The following KANTR variants were observed in gnomAD, a reference collection of about 807,000 sequenced individuals.
KANTR encodes the protein KDM5C adjacent transcript.
chrX:53,121,355 AAGTT>A (rs1434764368), intron 2 of KANTR, among the ~76,000 whole-genome samples: 1 of 112,151 alleles, frequency 8.9e-6, no homozygotes, highest in Non-Finnish European at 1.9e-5. Context: ...ATTTACAGAA[AAGTT>A]AGTTAAGAGA....
chrX:53,124,514 C>A, exon 3 of KANTR: 1 of 296,251 alleles, frequency 3.4e-6, no homozygotes, highest in South Asian at 2.0e-4. Context: ...TTTAACTGGA[C>A]ATTGAGCTCA....
At chrX:53,144,453 T>A (rs185226795), downstream of KANTR, among the ~76,000 whole-genome samples, 1 of 111,773 alleles carries the variant, frequency 8.9e-6, no homozygotes, top group East Asian at 2.8e-4. Flanking sequence ...CCCAGCACTT[T>A]GGGAGGCTGA....
At chrX:53,146,533 G>A (rs1259308501), downstream of KANTR, among the ~76,000 whole-genome samples, 3 of 111,932 alleles carry the variant, frequency 2.7e-5, no homozygotes, top group South Asian at 3.7e-4. Context: ...TGAAAGTGAC[G>A]GGGAGAATGG....
downstream of KANTR, among the ~76,000 whole-genome samples, chrX:53,130,153 C>G (rs1556816784): frequency 8.9e-6 from 1 of 111,980 alleles, no homozygotes; most frequent in African/African-American, 3.2e-5. Context: ...AGGCGTGAGC[C>G]ACCGCGCCTG....
At chrX:53,143,196 G>T, downstream of KANTR, 1 of 738,038 alleles carries the variant, frequency 1.4e-6, no homozygotes, top group Non-Finnish European at 2.1e-6. Context: ...CTGGCCATCA[G>T]GCAGCTCATA....
intron 2 of KANTR, among the ~76,000 whole-genome samples, chrX:53,117,208 A>AGAC (rs1556814733): frequency 9.1e-6 from 1 of 109,514 alleles, no homozygotes; most frequent in Non-Finnish European, 1.9e-5. Flanking sequence ...CTTGAACCCA[A>AGAC]GAGGAGGTTG....
At chrX:53,125,514 T>G (rs1204253212) in exon 3 of KANTR, 1 of 111,609 alleles carries the variant, frequency 9.0e-6, no homozygotes, top group Non-Finnish European at 1.9e-5. Flanking sequence ...ATTTGTTTTC[T>G]TATTCAATTT....
At chrX:53,117,523 T>C (rs896494568) in intron 2 of KANTR, among the ~76,000 whole-genome samples, 49 of 109,291 alleles carry the variant, frequency 4.5e-4, no homozygotes, top group African/African-American at 1.5e-3. Context: ...TTCATATTTG[T>C]GGGGATGCTT....
intron 1 of KANTR, among the ~76,000 whole-genome samples, chrX:53,098,794 C>T (rs781953777): frequency 4.5e-5 from 5 of 110,443 alleles, no homozygotes; most frequent in Admixed American, 1.9e-4. Context: ...GGCGCGATCA[C>T]GGCTCACTGC....
At chrX:53,116,045 C>G (rs1206504609) in intron 2 of KANTR, among the ~76,000 whole-genome samples, 4 of 111,952 alleles carry the variant, frequency 3.6e-5, no homozygotes, top group Admixed American at 2.9e-4. Context: ...TGTTCAGTGA[C>G]TTTTCTGAAC....
chrX:53,121,060 G>A (rs782110882), intron 2 of KANTR, among the ~76,000 whole-genome samples: 2 of 110,031 alleles, frequency 1.8e-5, no homozygotes, highest in African/African-American at 3.3e-5. Flanking sequence ...GTGCAGTGGC[G>A]CCATCTCGGC....
chrX:53,104,473 C>T (rs1312348768), intron 2 of KANTR, among the ~76,000 whole-genome samples: 1 of 110,218 alleles, frequency 9.1e-6, no homozygotes, highest in African/African-American at 3.3e-5. Flanking sequence ...GTGATCCACC[C>T]GCCTCGGCCT....
At chrX:53,143,736 C>G, downstream of KANTR, 1 of 613,672 alleles carries the variant, frequency 1.6e-6, no homozygotes. Flanking sequence ...CGTGCTTGCT[C>G]TGGGCCTCAT....
At chrX:53,120,726 A>G (rs1436363514) in intron 2 of KANTR, among the ~76,000 whole-genome samples, 1 of 109,720 alleles carries the variant, frequency 9.1e-6, no homozygotes. Context: ...TTTATTTATT[A>G]TTTATTTATT....
At chrX:53,096,547 C>A (rs910305872) in intron 1 of KANTR, among the ~76,000 whole-genome samples, 1 of 112,298 alleles carries the variant, frequency 8.9e-6, no homozygotes, top group Non-Finnish European at 1.9e-5. Flanking sequence ...CAAACAGGGC[C>A]GGGTGTGATG....
At chrX:53,098,961 G>A (rs782129437) in intron 1 of KANTR, among the ~76,000 whole-genome samples, 1 of 111,223 alleles carries the variant, frequency 9.0e-6, no homozygotes, top group South Asian at 3.8e-4. Flanking sequence ...CTGGCCTCAA[G>A]TAATCCTCCT....
intron 2 of KANTR, among the ~76,000 whole-genome samples, chrX:53,102,663 T>C (rs1019171324): frequency 8.9e-6 from 1 of 111,909 alleles, no homozygotes; most frequent in Non-Finnish European, 1.9e-5. Flanking sequence ...ATGAAATATG[T>C]TGGGATTATA....
chrX:53,139,408 A>G (rs1933471837), intron 2 of KANTR, among the ~76,000 whole-genome samples: 1 of 112,079 alleles, frequency 8.9e-6, no homozygotes, highest in African/African-American at 3.2e-5. Flanking sequence ...TTTGTGCTCA[A>G]TGAAAGACAC....
chrX:53,127,669 G>A (rs1301371388), downstream of KANTR, among the ~76,000 whole-genome samples: 2 of 111,616 alleles, frequency 1.8e-5, no homozygotes, highest in South Asian at 3.8e-4. Flanking sequence ...CTGGCTGTAC[G>A]CCCTAGGGCT....
Sources: gnomAD v4.1 joint callset for allele counts (sites outside exome capture counted in the v4.1 genomes callset) on GRCh38, gnomAD v4.1.1 for gene constraint, MANE v1.5 for transcripts, NCBI Gene and HGNC (gene_info 2026-07-23, HGNC 2026-07-21) for gene names.